The following PTCHD4 variants were observed in gnomAD, a reference collection of about 807,000 sequenced individuals.
PTCHD4 encodes patched domain-containing protein 4.
A neutral mutation model predicts 58.1 loss-of-function variants in PTCHD4; 33 were observed. The observed-to-expected ratio is 0.57, with a 90% CI of 0.43 to 0.76. The LOEUF is 0.76. Among genes scored for constraint, PTCHD4 ranks in the 30% least tolerant of loss-of-function variants. The pLI is 0.00. For synonymous variants in PTCHD4, 478 were observed against 409.6 expected (o/e 1.17, Z -2.02); for missense variants, 1,058 against 1,027.1 (o/e 1.03, Z -0.41).
intron 3 of PTCHD4, among the ~76,000 whole-genome samples, chr6:48,042,750 T>G (rs993849996): frequency 2.6e-5 from 4 of 151,974 alleles, no homozygotes; most frequent in African/African-American, 4.8e-5. Context: ...CTGCAGTTTC[T>G]AGGTCTTGCT....
intron 3 of PTCHD4, among the ~76,000 whole-genome samples, chr6:48,023,066 C>T (rs1218999180): frequency 3.3e-5 from 5 of 152,110 alleles, no homozygotes; most frequent in Non-Finnish European, 7.4e-5. Context: ...GTCAGCAGCA[C>T]ATTAAACTAT....
chr6:47,958,709 T>C (rs1766965399), intron 4 of PTCHD4, among the ~76,000 whole-genome samples: 1 of 152,132 alleles, frequency 6.6e-6, no homozygotes, highest in Admixed American at 6.5e-5. Flanking sequence ...GATTAGCACA[T>C]GTGTGAGAAA....
rs116050248 is a variant in PTCHD4 at position 47,923,830 on chromosome 6, A to T, written c.899-43894T>A. Among the ~76,000 whole-genome samples the T allele has an allele frequency of 4.9e-3, 744 of 152,342 alleles. 6 individuals are homozygous for T. The highest frequency in any genetic ancestry group is 0.017 in the African/African-American group (702 of 41,588). On this transcript the variant is annotated intron_variant, in intron 4 of 4. Coordinates refer to ENST00000339488, the MANE Select transcript of PTCHD4 (RefSeq NM_001384253.1). The stretch of plus-strand genomic sequence containing the variant: ...TAAATAGGTTATCTGGAGTCAGCTC[A>T]GGTGAATGACGAATGTCACCTCAGT...
chr6:47,954,679 T>C (rs985906808), intron 4 of PTCHD4, among the ~76,000 whole-genome samples: 14 of 152,166 alleles, frequency 9.2e-5, no homozygotes, highest in Non-Finnish European at 2.1e-4. Context: ...AGTAAAACTG[T>C]TGTAGTATTA....
intron 3 of PTCHD4, among the ~76,000 whole-genome samples, chr6:48,010,098 C>A (rs1023979675): frequency 9.2e-5 from 14 of 152,196 alleles, no homozygotes; most frequent in Non-Finnish European, 2.9e-5. Context: ...CCACAACTAT[C>A]ATTTATTTCA....
At chr6:48,070,584 T>G (rs989842684) in intron 1 of PTCHD4, among the ~76,000 whole-genome samples, 2 of 152,212 alleles carry the variant, frequency 1.3e-5, no homozygotes, top group Non-Finnish European at 2.9e-5. Flanking sequence ...TTCTACTGAG[T>G]GCAGGAATAG....
intron 4 of PTCHD4, among the ~76,000 whole-genome samples, chr6:47,938,890 G>T (rs1766108588): frequency 6.6e-6 from 1 of 152,164 alleles, no homozygotes; most frequent in Non-Finnish European, 1.5e-5. Flanking sequence ...GAGGGGCCAG[G>T]AAGAGGGTGA....
At chr6:47,944,060 A>G (rs1766331488) in intron 4 of PTCHD4, among the ~76,000 whole-genome samples, 1 of 152,136 alleles carries the variant, frequency 6.6e-6, no homozygotes, top group African/African-American at 2.4e-5. Flanking sequence ...GTAGCAATAA[A>G]TAAAATCAGA....
At chr6:47,953,833 C>A (rs935074236) in intron 4 of PTCHD4, among the ~76,000 whole-genome samples, 5 of 152,098 alleles carry the variant, frequency 3.3e-5, no homozygotes, top group African/African-American at 1.2e-4. Context: ...ATGCTGTCTG[C>A]CAAAATGAAC....
chr6:48,102,841 G>A (rs1765636459), intron 1 of PTCHD4, among the ~76,000 whole-genome samples: 2 of 152,236 alleles, frequency 1.3e-5, no homozygotes, highest in Non-Finnish European at 2.9e-5. Flanking sequence ...TATGCCCACA[G>A]AGCCTAGCTC....
chr6:48,093,989 G>A (rs983378376), intron 1 of PTCHD4, among the ~76,000 whole-genome samples: 3 of 152,128 alleles, frequency 2.0e-5, no homozygotes, highest in African/African-American at 4.8e-5. Context: ...ATCCTACCAC[G>A]AAATTAATGA....
At chr6:48,009,945 G>T (rs190417061) in intron 3 of PTCHD4, among the ~76,000 whole-genome samples, 1 of 152,210 alleles carries the variant, frequency 6.6e-6, no homozygotes, top group Non-Finnish European at 1.5e-5. Context: ...AGCAATCACT[G>T]CTCTTTAAGG....
chr6:47,886,110 G>A (rs1581827055), intron 4 of PTCHD4, among the ~76,000 whole-genome samples: 1 of 132,766 alleles, frequency 7.5e-6, no homozygotes, highest in South Asian at 2.6e-4. Flanking sequence ...GAGCCACGGC[G>A]ATGGCAAGAT....
intron 1 of PTCHD4, among the ~76,000 whole-genome samples, chr6:48,092,903 G>C (rs1251776917): frequency 2.0e-5 from 3 of 152,094 alleles, no homozygotes; most frequent in African/African-American, 7.2e-5. Flanking sequence ...CATGTATCAT[G>C]GTCTTGTTTG....
chr6:48,099,876 G>C (rs538667019), intron 1 of PTCHD4, among the ~76,000 whole-genome samples: 1 of 152,142 alleles, frequency 6.6e-6, no homozygotes, highest in East Asian at 1.9e-4. Context: ...AATGTCTACC[G>C]TAAGTAGATT....
At chr6:47,960,200 T>C (rs908566069) in intron 4 of PTCHD4, among the ~76,000 whole-genome samples, 4 of 151,800 alleles carry the variant, frequency 2.6e-5, no homozygotes, top group African/African-American at 9.7e-5. Flanking sequence ...TAAGTAATAA[T>C]AAAACATAGT....
rs1424635086 is a variant in PTCHD4 at position 48,068,828 on chromosome 6, T to G, written c.5+125A>C. 3.7e-6 allele frequency: 2 copies of G among 545,746 alleles called. No homozygotes were observed. The highest frequency in any genetic ancestry group is 3.2e-5 in the East Asian group (1 of 31,512). The allele number at this position is 545,746 out of a possible 1,614,324, so 33.8% of individuals were successfully genotyped here. ...GCGCTCCTACTACTCTTTCAAACAC[T>G]GCAGCAAGTTGCAGCAAGGCGGGCA... On this transcript the variant is annotated intron_variant, in intron 2 of 4. Coordinates refer to ENST00000339488, the MANE Select transcript of PTCHD4 (RefSeq NM_001384253.1). The surrounding 1 kb of genome is among the most constrained non-coding windows in gnomAD (Gnocchi z 4.2).
At chr6:48,065,964 A>G (rs1294820739) in intron 3 of PTCHD4, among the ~76,000 whole-genome samples, 3 of 152,206 alleles carry the variant, frequency 2.0e-5, no homozygotes, top group African/African-American at 4.8e-5. Context: ...ACTAAGATGT[A>G]TATCAACCAC....
rs185705307 is a variant in PTCHD4 at position 48,052,679 on chromosome 6, T to A, written c.417+15551A>T. ...TTGCAAAATATAAGGCAGATACGGA[T>A]TCAACTATGTAAAGTGCTTTTGCCT... On this transcript the variant is annotated intron_variant, in intron 3 of 4. Coordinates refer to ENST00000339488, the MANE Select transcript of PTCHD4 (RefSeq NM_001384253.1). Among the ~76,000 whole-genome samples the A allele has an allele frequency of 1.6e-4, 24 of 152,140 alleles. 1 individual carries two copies. Among genetic ancestry groups the A allele is most frequent in the African/African-American group, 5.8e-4 (24 of 41,546 alleles).
Sources: gnomAD v4.1 joint callset for allele counts (sites outside exome capture counted in the v4.1 genomes callset) on GRCh38, gnomAD v4.1.1 for gene constraint, Gnocchi (gnomAD v3.1) non-coding constraint, MANE v1.5 for transcripts, NCBI Gene and HGNC (gene_info 2026-07-23, HGNC 2026-07-21) for gene names.